Variants in FOXJ2 observed in about 807,000 individuals in gnomAD.
The protein encoded by FOXJ2 is forkhead box protein J2.
In FOXJ2, 18 loss-of-function variants were observed where a neutral mutation model predicts 68.4. The observed-to-expected ratio is 0.26, with a 90% CI of 0.18 to 0.39. The LOEUF (loss-of-function observed/expected upper bound fraction) is 0.39. Among genes scored for constraint, FOXJ2 ranks in the 10% least tolerant of loss-of-function variants. The probability of loss-of-function intolerance (pLI) is 1.00; values close to 1 mark genes in which losing one functional copy is unlikely to be tolerated. For missense variants in FOXJ2, 670 were observed against 726.5 expected, an observed-to-expected ratio of 0.92 and a Z score of 0.89; for synonymous variants, 274 against 263.2, an observed-to-expected ratio of 1.04 and a Z score of -0.40.
rs139454481 is a variant in FOXJ2, at chr12:8,039,854, A to G, written c.22A>G (p.Ser8Gly). ...TACCATGGCTTCTGACCTAGAGAGT[A>G]GCCTCACCTCCATAGACTGGCTCCC... The part of the protein sequence containing the change: MASDLES[S>G]LTSIDWLPQL... The change falls in exon 2 of 11, where the codon AGC becomes GGC. Residue 8 changes from serine (S) to glycine (G), a missense_variant. Transcript: ENST00000162391. 17 of 1,613,974 alleles carry G rather than the reference A, an allele frequency of 1.1e-5. No homozygotes were observed.
chr12:8,039,697 A>T (rs1946939457), intron 1 of FOXJ2, 122 bp from the exon 2 acceptor site: 1 of 796,542 alleles, frequency 1.3e-6, no homozygotes, highest in African/African-American at 1.7e-5. Flanking sequence ...CACCTGGTGG[A>T]AGGCCATGCC....
intron 3 of FOXJ2, among the ~76,000 whole-genome samples, chr12:8,043,048 T>C (rs1946985987): frequency 6.6e-6 from 1 of 151,814 alleles, no homozygotes; most frequent in South Asian, 2.1e-4. Context: ...AAACCCCATC[T>C]GTACTAAAAA....
chr12:8,041,907 C>T (rs1382799096), intron 2 of FOXJ2, among the ~76,000 whole-genome samples: 24 of 149,118 alleles, frequency 1.6e-4, no homozygotes, highest in Admixed American at 8.7e-4. Context: ...GACGGAGTTT[C>T]GCTCTTGTTC....
chr12:8,043,895 T>C, intron 4 of FOXJ2, 56 bp from the exon 5 acceptor site: 1 of 1,573,566 alleles, frequency 6.4e-7, no homozygotes, highest in African/African-American at 1.4e-5. Context: ...AAACCATGGG[T>C]CTTGGGAGGA....
chr12:8,033,455 C>T lies in FOXJ2; in HGVS notation c.-393C>T, dbSNP rs756545510. The T allele has an allele frequency of 6.5e-6, 1 of 152,914 alleles. No individual in the cohort carries two copies. Among genetic ancestry groups the T allele is most frequent in the Non-Finnish European group, 1.5e-5 (1 of 68,196 alleles). The allele number at this position is 152,914 out of a possible 1,614,324, so 9.5% of individuals were successfully genotyped here. A position where few individuals can be genotyped will look rare whatever the true frequency, so the allele number is the denominator to read the frequency against. The stretch of plus-strand genomic sequence containing the variant: ...GGAACGGGGTGGAGCCCCTCCGCTC[C>T]TATCTCCAGCAGACAGAAAGAGCCC... On this transcript the variant is annotated 5_prime_UTR_variant, in exon 1 of 11. Transcript: ENST00000162391.
In FOXJ2 at chr12:8,048,794, C is replaced by G. The variant is rs751542947; in HGVS notation, c.1323C>G (p.Phe441Leu). The change falls in exon 8 of 11, where the codon TTC becomes TTG. Residue 441 changes from phenylalanine (F) to leucine (L), a missense_variant. Coordinates refer to ENST00000162391, the MANE Select transcript of FOXJ2 (RefSeq NM_018416.3). ...LNWSSIEQSQ[F>L]SELMESLRQA... ...GGTCCAGCATTGAGCAGTCACAATT[C>G]TCAGGTTAGTGATCAAAGGACGAAG... is the stretch of plus-strand genomic sequence containing the variant. 5.1e-5 allele frequency: 82 copies of G among 1,613,474 alleles called. No homozygotes were observed. Among genetic ancestry groups the G allele is most frequent in the Non-Finnish European group, 6.8e-5 (80 of 1,179,734 alleles).
chr12:8,054,387 G>A lies in FOXJ2; in HGVS notation c.*1537G>A, dbSNP rs1010497343. On this transcript the variant is annotated 3_prime_UTR_variant, in exon 11 of 11. Transcript: ENST00000162391. ...TTGCTGAAAAGCTGTGGGACAAAAT[G>A]TATGGAATAGACAAGGCCACTTTCT... is the stretch of plus-strand genomic sequence containing the variant. 2.6e-5 allele frequency: 4 copies of A among 152,226 alleles called. No homozygotes were observed. The highest frequency in any genetic ancestry group is 5.9e-5 in the Non-Finnish European group (4 of 68,030). 9.4% of individuals were successfully genotyped at this position (152,226 alleles called of 1,614,324 possible).
chr12:8,046,767 G>A (rs1433910855), intron 6 of FOXJ2, among the ~76,000 whole-genome samples: 1 of 152,158 alleles, frequency 6.6e-6, no homozygotes, highest in Non-Finnish European at 1.5e-5. Flanking sequence ...TTGGCAGCAG[G>A]GGCTGAATGG....
chr12:8,052,013 C>T (rs1185199417), intron 10 of FOXJ2, among the ~76,000 whole-genome samples: 4 of 151,820 alleles, frequency 2.6e-5, no homozygotes, highest in Admixed American at 1.3e-4. Flanking sequence ...GGATCACAGG[C>T]GCCCGCCACT....
chr12:8,041,206 T>A (rs76325613), intron 2 of FOXJ2, among the ~76,000 whole-genome samples: 2 of 151,926 alleles, frequency 1.3e-5, no homozygotes, highest in Non-Finnish European at 2.9e-5. Context: ...CTTTTCTTTT[T>A]TTTTTTGTGG....
chr12:8,055,105 AG>A lies in FOXJ2; in HGVS notation c.*2258del, dbSNP rs1947170968. The A allele has an allele frequency of 6.6e-6, 1 of 152,528 alleles. No individual in the cohort carries two copies. 9.4% of individuals were successfully genotyped at this position (152,528 alleles called of 1,614,324 possible). A position where few individuals can be genotyped will look rare whatever the true frequency, so the allele number is the denominator to read the frequency against. On this transcript the variant is annotated 3_prime_UTR_variant, in exon 11 of 11. Transcript: ENST00000162391. ...CAAGCCCAGTCTTGCTACGTGGCAC[AG>A]GGCAAACCTGACTCCCTTTGGGCCT...
At chr12:8,046,572 G>A (rs952109390) in intron 6 of FOXJ2, among the ~76,000 whole-genome samples, 8 of 152,058 alleles carry the variant, frequency 5.3e-5, no homozygotes, top group African/African-American at 1.2e-4. Context: ...TATCTTGTCC[G>A]TGCACATTTT....
At chr12:8,050,707 T>C in intron 10 of FOXJ2, 87 bp downstream of exon 10, 1 of 1,474,572 alleles carries the variant, frequency 6.8e-7, no homozygotes, top group Non-Finnish European at 9.4e-7. Flanking sequence ...ATTCTGTGCA[T>C]TTTTGCCTGC....
intron 8 of FOXJ2, 62 bp from the exon 9 acceptor site, chr12:8,049,300 C>T (rs746431903): frequency 3.6e-5 from 49 of 1,343,710 alleles, no homozygotes; most frequent in Admixed American, 2.7e-4. Context: ...TGAGATAGGG[C>T]GGGGTCTGAT....
In FOXJ2 at chr12:8,047,888, C is replaced by A. The variant is rs369567915; in HGVS notation, c.824C>A (p.Ser275Tyr). The A allele has an allele frequency of 1.3e-6, 2 of 1,573,814 alleles. No homozygotes were observed. The highest frequency in any genetic ancestry group is 1.7e-6 in the Non-Finnish European group (2 of 1,153,996). The change falls in exon 7 of 11, where the codon TCT becomes TAT. Residue 275 changes from serine (S) to tyrosine (Y), a missense_variant. By Grantham distance (144) the Ser-to-Tyr change is moderately radical (BLOSUM62 -2). Around this residue, in one of 2 missense-constraint regions of FOXJ2, gnomAD observed 555 missense variants for 562.2 expected, o/e 0.99. Transcript: ENST00000162391. Reference protein sequence around the residue: ...KSSSSSQHGFSSLLGDIPPSN... With the variant: ...KSSSSSQHGFYSLLGDIPPSN... ...GCTTCCTCCCCACCTGCAGGCTTTT[C>A]TTCTCTCCTGGGGGACATCCCACCC...
At position 8,048,682 on chromosome 12, in the gene FOXJ2, CCCT is replaced by C; in HGVS notation, c.1226-10_1226-8del. On this transcript the variant is annotated splice_polypyrimidine_tract_variant and intron_variant, in intron 7 of 10. Transcript: ENST00000162391. ...TCACTCTATCTTATTATCCACTTTC[CCCT>C]CCTCTTTACAGCCTTTCCTTCTGAC... 6 of 1,607,276 alleles carry C rather than the reference CCCT, an allele frequency of 3.7e-6. No homozygotes were observed. Among genetic ancestry groups the C allele is most frequent in the Non-Finnish European group, 5.1e-6 (6 of 1,173,972 alleles).
chr12:8,053,226 A>G lies in FOXJ2; in HGVS notation c.*376A>G, dbSNP rs1035703457. 6.6e-6 allele frequency: 1 copy of G among 152,582 alleles called. No homozygotes were observed. Among genetic ancestry groups the G allele is most frequent in the African/African-American group, 2.4e-5 (1 of 41,446 alleles). The allele number at this position is 152,582 out of a possible 1,614,324, so 9.5% of individuals were successfully genotyped here. A position where few individuals can be genotyped will look rare whatever the true frequency, so the allele number is the denominator to read the frequency against. On this transcript the variant is annotated 3_prime_UTR_variant, in exon 11 of 11. Coordinates refer to ENST00000162391, the MANE Select transcript of FOXJ2 (RefSeq NM_018416.3). This position sits in a 1 kb window ranked among gnomAD's most constrained non-coding sequence, Gnocchi z 4.1. The stretch of plus-strand genomic sequence containing the variant: ...GCTACAGAGAAAGGTTTTAGACTCC[A>G]GTTTACCTTTCTCTTGGAGAAACTC...
intron 9 of FOXJ2, 124 bp downstream of exon 9, chr12:8,049,695 C>T (rs1947089479): frequency 1.2e-6 from 1 of 825,408 alleles, no homozygotes. Context: ...AGCAGTGGAA[C>T]TAGTTTATCA....
intron 8 of FOXJ2, 61 bp from the exon 9 acceptor site, chr12:8,049,301 G>A (rs1333928875): frequency 1.5e-5 from 20 of 1,361,168 alleles, no homozygotes; most frequent in Non-Finnish European, 2.0e-5. Flanking sequence ...GAGATAGGGC[G>A]GGGTCTGATA....
Sources: allele counts gnomAD v4.1 joint callset (sites outside exome capture counted in the v4.1 genomes callset), GRCh38; gene constraint gnomAD v4.1.1; regional missense constraint gnomAD v4.1.1; non-coding constraint Gnocchi (gnomAD v3.1); transcripts MANE v1.5; gene names NCBI Gene and HGNC (gene_info 2026-07-23, HGNC 2026-07-21).